Variants in ATG2B observed in about 807,000 individuals in gnomAD.
ATG2B encodes the protein autophagy-related protein 2 homolog B.
ATG2B carries 121 observed loss-of-function variants against 241.3 expected under a neutral mutation model. That is an observed-to-expected ratio of 0.50 (90% CI 0.43 to 0.58). The LOEUF (loss-of-function observed/expected upper bound fraction) is 0.58, where lower values mean the gene tolerates loss of function less well. ATG2B is among the 20% of genes least tolerant of loss of function. The pLI, the probability that ATG2B is intolerant of heterozygous loss-of-function variation, is 0.00. For missense variants in ATG2B, 2,306 were observed against 2,491.6 expected (o/e 0.93, Z 1.59); for synonymous variants, 858 against 876.6 (o/e 0.98, Z 0.37).
At chr14:96,308,239 T>TATATATATACAC (rs1566719606) in intron 29 of ATG2B, among the ~76,000 whole-genome samples, 3 of 17,478 alleles carry the variant, frequency 1.7e-4, no homozygotes, top group Non-Finnish European at 3.8e-4. Flanking sequence ...TACATATATA[T>TATATATATACAC]ATATATATAT....
At chr14:96,305,143 G>A (rs188574834) in intron 31 of ATG2B, among the ~76,000 whole-genome samples, 10 of 152,194 alleles carry the variant, frequency 6.6e-5, no homozygotes, top group South Asian at 2.1e-4. Context: ...TTCTCCCAGC[G>A]ACCGGCACAC....
intron 1 of ATG2B, among the ~76,000 whole-genome samples, chr14:96,355,781 A>T (rs752813560): frequency 4.6e-5 from 7 of 152,194 alleles, no homozygotes; most frequent in Non-Finnish European, 1.0e-4. Context: ...TTTCTTCTTA[A>T]TACGTAATTC....
intron 14 of ATG2B, among the ~76,000 whole-genome samples, chr14:96,326,568 C>T (rs1233990202): frequency 2.0e-5 from 3 of 152,172 alleles, no homozygotes; most frequent in South Asian, 2.1e-4. Context: ...GGTCAAAGAA[C>T]ATCCCATTCA....
rs563157358 is a variant in ATG2B, at chr14:96,339,148, G to A, written c.924+2374C>T. Among the ~76,000 whole-genome samples the A allele has an allele frequency of 8.5e-5, 13 of 152,090 alleles. No homozygotes were observed. The East Asian group carries it at 1.2e-3, about 14-fold the overall frequency. On this transcript the variant is annotated intron_variant, in intron 6 of 41. Coordinates refer to ENST00000359933, the MANE Select transcript of ATG2B (RefSeq NM_018036.7). The stretch of plus-strand genomic sequence containing the variant: ...AACAATAGATGTTGGGATGGACATC[G>A]TAAAAAAGGAACACTTTTACACTGC...
Position 96,290,983 on chromosome 14 carries a change from GAC to G in ATG2B, c.5580-50_5580-49del, listed in dbSNP as rs1285671616. The stretch of plus-strand genomic sequence containing the variant: ...TGTCAAAAGGAGAAATACATTTATA[GAC>G]ACAGATTAGTTTGAGGGTTTTTTTT... On this transcript the variant is annotated intron_variant, in intron 38 of 41. Coordinates refer to ENST00000359933, the MANE Select transcript of ATG2B (RefSeq NM_018036.7). This position sits in a 1 kb window ranked among gnomAD's most constrained non-coding sequence, Gnocchi z 4.4. The G allele has an allele frequency of 6.7e-7, 1 of 1,497,364 alleles. No individual in the cohort carries two copies. The highest frequency in any genetic ancestry group is 1.4e-5 in the African/African-American group (1 of 70,668). The allele number at this position is 1,497,364 out of a possible 1,614,324, so 92.8% of individuals were successfully genotyped here.
chr14:96,323,259 C>G (rs1325894745), intron 16 of ATG2B, among the ~76,000 whole-genome samples: 1 of 152,084 alleles, frequency 6.6e-6, no homozygotes, highest in Non-Finnish European at 1.5e-5. Flanking sequence ...TGTTTTATAA[C>G]CACAAAACCT....
In ATG2B at chr14:96,317,710, C is replaced by T. The variant is rs1887352455; in HGVS notation, c.3025G>A (p.Ala1009Thr). The T allele has an allele frequency of 6.2e-7, 1 of 1,604,896 alleles. No individual in the cohort carries two copies. The highest frequency in any genetic ancestry group is 8.5e-7 in the Non-Finnish European group (1 of 1,174,936). ...NKDSFSAFKS[A>T]VHYDEESGSE... ...AAAAATATATTACCATAGTGAACTG[C>T]AGATTTAAATGCACTAAAACTATCT... Residue 1009 changes from alanine to threonine, a missense_variant, in exon 19 of 42, where the codon GCA becomes ACA. This residue lies in a region of ATG2B where 1,927 missense variants were observed against 2,011.2 expected (regional missense o/e 0.96). Coordinates refer to ENST00000359933, the MANE Select transcript of ATG2B (RefSeq NM_018036.7).
intron 31 of ATG2B, among the ~76,000 whole-genome samples, chr14:96,305,260 G>A (rs923108306): frequency 1.2e-4 from 19 of 152,020 alleles, no homozygotes; most frequent in Admixed American, 5.9e-4. Flanking sequence ...CACTTCCTGC[G>A]TTTCACTGCC....
chr14:96,355,789 T>C (rs944172378), intron 1 of ATG2B, among the ~76,000 whole-genome samples: 51 of 152,244 alleles, frequency 3.3e-4, no homozygotes, highest in African/African-American at 1.2e-3. Context: ...TAATACGTAA[T>C]TCCATAGATT....
rs763843425 is a variant in ATG2B at position 96,334,553 on chromosome 14, C to T, written c.925-52G>A. 9 of 1,062,714 alleles carry T rather than the reference C, an allele frequency of 8.5e-6. No individual in the cohort carries two copies. In the East Asian group the frequency reaches 1.2e-4, roughly 15 times the overall value. 65.8% of individuals were successfully genotyped at this position (1,062,714 alleles called of 1,614,324 possible). On this transcript the variant is annotated intron_variant, in intron 6 of 41. Coordinates refer to ENST00000359933, the MANE Select transcript of ATG2B (RefSeq NM_018036.7). ...TGAGGAGTATTCTTTATAACCTTAT[C>T]ACCATAAACGTCAGTATATTTTAAT...
At position 96,290,598 on chromosome 14, in the gene ATG2B, A is replaced by C; in HGVS notation, c.5702-8T>G. On this transcript the variant is annotated splice_region_variant and splice_polypyrimidine_tract_variant and intron_variant, in intron 39 of 41. Coordinates refer to ENST00000359933, the MANE Select transcript of ATG2B (RefSeq NM_018036.7). This position sits in a 1 kb window ranked among gnomAD's most constrained non-coding sequence, Gnocchi z 4.4. ...AGTCCTTTAGGCCTTGTACTACAAC[A>C]GTCAACACAAAATCAACATCAGTGC... The C allele has an allele frequency of 6.2e-7, 1 of 1,613,332 alleles. No homozygotes were observed. The highest frequency in any genetic ancestry group is 8.5e-7 in the Non-Finnish European group (1 of 1,179,542).
At chr14:96,318,939 T>G (rs552825997) in intron 18 of ATG2B, among the ~76,000 whole-genome samples, 19 of 152,358 alleles carry the variant, frequency 1.2e-4, no homozygotes, top group Admixed American at 1.2e-3. Flanking sequence ...GAGGGACTTG[T>G]GTCGATCATC....
Position 96,279,582 on chromosome 14 carries a change from A to C in ATG2B, c.*6173T>G, listed in dbSNP as rs1027211473. ...CAAAGTTTAACAAACAAAAAAAAGG[A>C]AAGCATGCTATAGTGGGAAACAGAG... On this transcript the variant is annotated 3_prime_UTR_variant, in exon 42 of 42. Transcript: ENST00000359933. The C allele has an allele frequency of 6.6e-6, 1 of 152,264 alleles. No homozygotes were observed. The highest frequency in any genetic ancestry group is 1.5e-5 in the Non-Finnish European group (1 of 68,064). 9.4% of individuals were successfully genotyped at this position (152,264 alleles called of 1,614,324 possible). A position where few individuals can be genotyped will look rare whatever the true frequency, so the allele number is the denominator to read the frequency against.
intron 26 of ATG2B, among the ~76,000 whole-genome samples, 189 bp downstream of exon 26, chr14:96,311,900 G>A (rs1308725124): frequency 6.6e-6 from 1 of 152,058 alleles, no homozygotes; most frequent in Non-Finnish European, 1.5e-5. Flanking sequence ...TGAAAAACCA[G>A]TATCTGAAAA....
chr14:96,317,262 G>A lies in ATG2B; in HGVS notation c.3093C>T (p.Pro1031=). The A allele has an allele frequency of 6.2e-7, 1 of 1,613,568 alleles. No homozygotes were observed. The highest frequency in any genetic ancestry group is 8.5e-7 in the Non-Finnish European group (1 of 1,179,746). ...ETLQYFSTVD[P]NYRSRRKKKL... Reference sequence around the variant, plus strand: ...TTTTTTTCCTGCGAGAACGATAGTTGGGATCAACAGTGGAAAAATACTGCA... The same window carrying A: ...TTTTTTTCCTGCGAGAACGATAGTTAGGATCAACAGTGGAAAAATACTGCA... The change falls in exon 20 of 42, where the codon CCC becomes CCT. Residue 1031 remains proline, a synonymous_variant. Coordinates refer to ENST00000359933, the MANE Select transcript of ATG2B (RefSeq NM_018036.7).
rs1193492281 is a variant in ATG2B at position 96,309,598 on chromosome 14, T to G, written c.4162-4A>C. 1 of 1,597,056 alleles carries G rather than the reference T, an allele frequency of 6.3e-7. No homozygotes were observed. Among genetic ancestry groups the G allele is most frequent in the South Asian group, 1.1e-5 (1 of 88,380 alleles). On this transcript the variant is annotated splice_region_variant and splice_polypyrimidine_tract_variant and intron_variant, in intron 28 of 41. Transcript: ENST00000359933. Reference sequence around the variant, plus strand: ...ATGATCGACCACTGGAATCTACCTATAGCCAAAAAACCTAATTAAAAATAA... The same window carrying G: ...ATGATCGACCACTGGAATCTACCTAGAGCCAAAAAACCTAATTAAAAATAA...
intron 36 of ATG2B, among the ~76,000 whole-genome samples, chr14:96,294,056 T>C (rs1471068868): frequency 6.6e-6 from 1 of 152,266 alleles, no homozygotes; most frequent in Non-Finnish European, 1.5e-5. Flanking sequence ...CCAGGAATCA[T>C]CTATTCCAAG....
chr14:96,340,715 C>G (rs947323242), intron 6 of ATG2B, among the ~76,000 whole-genome samples: 2 of 152,062 alleles, frequency 1.3e-5, no homozygotes, highest in African/African-American at 4.8e-5. Context: ...GAGTTCAAGA[C>G]CAGCCTGGGC....
intron 11 of ATG2B, 99 bp downstream of exon 11, chr14:96,331,277 C>T: frequency 1.7e-6 from 2 of 1,144,816 alleles, no homozygotes. Flanking sequence ...AAAACAAATG[C>T]AGATAGGCAG....
Sources: gnomAD v4.1 joint callset for allele counts (sites outside exome capture counted in the v4.1 genomes callset) on GRCh38, gnomAD v4.1.1 for gene constraint, gnomAD v4.1.1 regional missense constraint, Gnocchi (gnomAD v3.1) non-coding constraint, MANE v1.5 for transcripts, NCBI Gene and HGNC (gene_info 2026-07-23, HGNC 2026-07-21) for gene names.